RBFOX1: variants seen among roughly 807,000 people sequenced by gnomAD.
RBFOX1 encodes RNA binding protein fox-1 homolog 1.
A neutral mutation model predicts 57.7 loss-of-function variants in RBFOX1; 8 were observed. That is an observed-to-expected ratio of 0.14 (90% CI 0.08 to 0.25). RBFOX1 has a LOEUF of 0.25. RBFOX1 is among the 10% of genes least tolerant of loss of function. The pLI, the probability that RBFOX1 is intolerant of heterozygous loss-of-function variation, is 1.00. For synonymous variants in RBFOX1, 326 were observed against 222.4 expected (o/e 1.47, Z -4.15); for missense variants, 611 against 548.5 (o/e 1.11, Z -1.14).
chr16:6,512,713 T>C (rs1350754620), intron 2 of RBFOX1, among the ~76,000 whole-genome samples: 1 of 152,176 alleles, frequency 6.6e-6, no homozygotes, highest in African/African-American at 2.4e-5. Context: ...TCTTGTGTTT[T>C]GGAGACCGTG....
intron 1 of RBFOX1, among the ~76,000 whole-genome samples, chr16:6,168,219 T>C (rs1165406256): frequency 6.6e-6 from 1 of 152,208 alleles, no homozygotes; most frequent in East Asian, 1.9e-4. Context: ...GCTCATAATC[T>C]ATTAGTTTAA....
chr16:5,568,420 C>A (rs986243637), intron 2 of RBFOX1, among the ~76,000 whole-genome samples: 1 of 152,172 alleles, frequency 6.6e-6, no homozygotes, highest in Non-Finnish European at 1.5e-5. Context: ...TCTGTGATCC[C>A]TTCCCTCAAA....
At chr16:6,634,289 C>G in intron 2 of RBFOX1, among the ~76,000 whole-genome samples, 1 of 152,048 alleles carries the variant, frequency 6.6e-6, no homozygotes, top group Middle Eastern at 3.2e-3. Flanking sequence ...AGCAGATTGG[C>G]TGAGTCCCTC....
At chr16:7,470,270 A>G (rs1463627707) in intron 4 of RBFOX1, among the ~76,000 whole-genome samples, 2 of 152,186 alleles carry the variant, frequency 1.3e-5, no homozygotes, top group African/African-American at 2.4e-5. Context: ...AGACTTCCAC[A>G]TCCTTAGTGC....
At chr16:6,953,484 C>T (rs764597913) in intron 3 of RBFOX1, among the ~76,000 whole-genome samples, 9 of 152,044 alleles carry the variant, frequency 5.9e-5, no homozygotes, top group Non-Finnish European at 8.8e-5. Flanking sequence ...CTCCTGGGTT[C>T]AAGCGATTCT....
At chr16:5,299,476 G>A (rs1445301348) in intron 1 of RBFOX1, among the ~76,000 whole-genome samples, 1 of 152,188 alleles carries the variant, frequency 6.6e-6, no homozygotes, top group Non-Finnish European at 1.5e-5. Context: ...GAGACATAGG[G>A]TAGATGTGTG....
At chr16:5,742,064 A>G (rs143651231) in intron 3 of RBFOX1, among the ~76,000 whole-genome samples, 28 of 152,338 alleles carry the variant, frequency 1.8e-4, no homozygotes, top group African/African-American at 3.8e-4. Flanking sequence ...AAAAAATGCT[A>G]TATCCATATA....
chr16:6,706,664 G>C (rs568818184), intron 3 of RBFOX1, among the ~76,000 whole-genome samples: 1 of 150,832 alleles, frequency 6.6e-6, no homozygotes, highest in Admixed American at 6.6e-5. Context: ...TTACACTTTT[G>C]AGACGTCTTT....
intron 5 of RBFOX1, among the ~76,000 whole-genome samples, chr16:7,555,436 G>A (rs901033235): frequency 6.6e-6 from 1 of 152,210 alleles, no homozygotes; most frequent in Admixed American, 6.5e-5. Flanking sequence ...TGGGTAAGAT[G>A]TTAGTGTTAG....
chr16:5,315,503 C>A (rs1365975805), intron 1 of RBFOX1, among the ~76,000 whole-genome samples: 1 of 152,154 alleles, frequency 6.6e-6, no homozygotes, highest in African/African-American at 2.4e-5. Context: ...CGTAGCTGCA[C>A]CCCAAGCTGT....
intron 3 of RBFOX1, among the ~76,000 whole-genome samples, chr16:6,875,430 G>C (rs1005095236): frequency 6.6e-6 from 1 of 152,086 alleles, no homozygotes; most frequent in African/African-American, 2.4e-5. Flanking sequence ...GCAATGTGTG[G>C]CTTCTTCCCA....
intron 2 of RBFOX1, among the ~76,000 whole-genome samples, chr16:6,594,950 G>T (rs1259606414): frequency 6.6e-6 from 1 of 152,034 alleles, no homozygotes; most frequent in African/African-American, 2.4e-5. Context: ...CACCACACCG[G>T]GCTAATTTTT....
intron 3 of RBFOX1, among the ~76,000 whole-genome samples, chr16:6,976,147 CA>C (rs534292321): frequency 6.6e-6 from 1 of 151,608 alleles, no homozygotes; most frequent in Non-Finnish European, 1.5e-5. Context: ...AAGAAACAAA[CA>C]AAAAAACTAG....
intron 2 of RBFOX1, among the ~76,000 whole-genome samples, chr16:6,530,831 C>T (rs113574932): frequency 1.3e-5 from 2 of 151,892 alleles, no homozygotes; most frequent in African/African-American, 4.8e-5. Flanking sequence ...GATTCAATTA[C>T]CTTCCACCGG....
At chr16:5,542,078 G>T (rs2044978443) in intron 2 of RBFOX1, among the ~76,000 whole-genome samples, 1 of 152,056 alleles carries the variant, frequency 6.6e-6, no homozygotes, top group African/African-American at 2.4e-5. Flanking sequence ...ACAGCCTCTT[G>T]AGGGTTGATC....
intron 1 of RBFOX1, among the ~76,000 whole-genome samples, chr16:5,292,054 G>A (rs941528438): frequency 1.5e-5 from 2 of 135,580 alleles, no homozygotes; most frequent in African/African-American, 5.5e-5. Flanking sequence ...ACATATGAAT[G>A]TTTTTTGACC....
intron 1 of RBFOX1, among the ~76,000 whole-genome samples, chr16:6,234,824 C>T (rs1041705679): frequency 1.3e-5 from 2 of 152,076 alleles, no homozygotes; most frequent in African/African-American, 4.8e-5. Context: ...CAGACACACA[C>T]ACACACACAC....
chr16:7,287,798 T>G (rs1434847817), intron 4 of RBFOX1, among the ~76,000 whole-genome samples: 1 of 152,204 alleles, frequency 6.6e-6, no homozygotes, highest in African/African-American at 2.4e-5. Flanking sequence ...TAGTTTATGA[T>G]AGATTTTACA....
intron 4 of RBFOX1, among the ~76,000 whole-genome samples, chr16:7,308,701 C>T (rs1377384957): frequency 6.6e-6 from 1 of 152,192 alleles, no homozygotes; most frequent in Non-Finnish European, 1.5e-5. Flanking sequence ...CATATCAACC[C>T]TTTCTGTCTT....
Sources: allele counts gnomAD v4.1 joint callset (sites outside exome capture counted in the v4.1 genomes callset), GRCh38; gene constraint gnomAD v4.1.1; transcripts MANE v1.5; gene names NCBI Gene and HGNC (gene_info 2026-07-23, HGNC 2026-07-21).